Variants in ADGRB3 observed in about 807,000 individuals in gnomAD.
ADGRB3 encodes the protein adhesion G protein-coupled receptor B3.
A neutral mutation model predicts 193.4 loss-of-function variants in ADGRB3; 37 were observed. That is an observed-to-expected ratio of 0.19 (90% CI 0.15 to 0.25). The LOEUF (loss-of-function observed/expected upper bound fraction) is 0.25, where lower values mean the gene tolerates loss of function less well. ADGRB3 is among the 10% of genes least tolerant of loss of function. The pLI, the probability that ADGRB3 is intolerant of heterozygous loss-of-function variation, is 1.00. For synonymous variants in ADGRB3, 690 were observed against 644.2 expected, an observed-to-expected ratio of 1.07 and a Z score of -1.08; for missense variants, 1,637 against 1,852.9, an observed-to-expected ratio of 0.88 and a Z score of 2.14.
intron 10 of ADGRB3, among the ~76,000 whole-genome samples, chr6:68,988,886 C>A (rs1769153352): frequency 1.3e-5 from 2 of 152,236 alleles, no homozygotes; most frequent in East Asian, 1.9e-4. Flanking sequence ...TACAGAGTTT[C>A]TTGGAGAAGA....
At chr6:69,265,397 T>C (rs894396610) in intron 20 of ADGRB3, among the ~76,000 whole-genome samples, 1 of 151,922 alleles carries the variant, frequency 6.6e-6, no homozygotes, top group Non-Finnish European at 1.5e-5. Flanking sequence ...GAAAACTCTT[T>C]ATTAGTCTGA....
chr6:68,694,911 G>A (rs1165775979), intron 3 of ADGRB3, among the ~76,000 whole-genome samples: 2 of 151,970 alleles, frequency 1.3e-5, no homozygotes, highest in Admixed American at 6.6e-5. Flanking sequence ...TGGGTTTAGG[G>A]TTTTAGAAAT....
chr6:69,103,033 A>C (rs577545269), intron 17 of ADGRB3, among the ~76,000 whole-genome samples: 3 of 152,286 alleles, frequency 2.0e-5, no homozygotes, highest in African/African-American at 7.2e-5. Flanking sequence ...CAAAAGAAAA[A>C]CTATGCTTGG....
At chr6:68,822,644 A>G (rs1038894901) in intron 3 of ADGRB3, among the ~76,000 whole-genome samples, 2 of 151,980 alleles carry the variant, frequency 1.3e-5, no homozygotes, top group Non-Finnish European at 2.9e-5. Flanking sequence ...AATCTCACAT[A>G]GCAAAGGACT....
At chr6:68,744,233 A>T (rs1160066301) in intron 3 of ADGRB3, among the ~76,000 whole-genome samples, 1 of 152,180 alleles carries the variant, frequency 6.6e-6, no homozygotes, top group Non-Finnish European at 1.5e-5. Flanking sequence ...GAATAAATAT[A>T]TCAAATAAAA....
chr6:68,815,631 GT>G (rs2127377916), intron 3 of ADGRB3, among the ~76,000 whole-genome samples: 4 of 148,486 alleles, frequency 2.7e-5, no homozygotes, highest in South Asian at 2.2e-4. Context: ...GTGTGTGTGT[GT>G]GTGTGTGTGC....
Position 69,183,434 on chromosome 6 carries a change from G to A in ADGRB3, c.2481-49856G>A, listed in dbSNP as rs1219920925. 2.6e-5 allele frequency among the ~76,000 whole-genome samples: 4 copies of A among 151,800 alleles called. No homozygotes were observed. The South Asian group carries it at 6.2e-4, about 24-fold the overall frequency. On this transcript the variant is annotated intron_variant, in intron 17 of 31. Coordinates refer to ENST00000370598, the MANE Select transcript of ADGRB3 (RefSeq NM_001704.3). ...AGAAATAATTTAAAATTATTGGAGT[G>A]CTTCAGGTTTTTAGGAGAACTTCAT... is the stretch of plus-strand genomic sequence containing the variant.
At chr6:68,696,832 T>A (rs1765167170) in intron 3 of ADGRB3, among the ~76,000 whole-genome samples, 1 of 152,076 alleles carries the variant, frequency 6.6e-6, no homozygotes, top group African/African-American at 2.4e-5. Context: ...TAACTTTGCA[T>A]AAGCATTTTC....
At chr6:69,253,490 A>T (rs1766672484) in intron 20 of ADGRB3, among the ~76,000 whole-genome samples, 2 of 152,098 alleles carry the variant, frequency 1.3e-5, no homozygotes, top group South Asian at 4.1e-4. Context: ...CATTAGGATC[A>T]TTAAGTTGTT....
chr6:69,111,291 G>C (rs12524905), intron 17 of ADGRB3, among the ~76,000 whole-genome samples: 20,239 of 152,136 alleles, frequency 0.13, 1,500 homozygotes, highest in Middle Eastern at 0.31. Context: ...TCCCTACCTA[G>C]AGCAACAGAA....
At chr6:69,278,364 A>C (rs1767347616) in intron 20 of ADGRB3, among the ~76,000 whole-genome samples, 1 of 152,240 alleles carries the variant, frequency 6.6e-6, no homozygotes. Flanking sequence ...AAGATAACTT[A>C]ATTCAGTGAG....
chr6:68,739,697 GA>G (rs1765940164), intron 3 of ADGRB3, among the ~76,000 whole-genome samples: 1 of 152,144 alleles, frequency 6.6e-6, no homozygotes, highest in South Asian at 2.1e-4. Context: ...GACCAGAAAA[GA>G]GAGTTAATCT....
intron 17 of ADGRB3, among the ~76,000 whole-genome samples, chr6:69,121,142 A>G (rs1773673441): frequency 6.6e-6 from 1 of 151,992 alleles, no homozygotes; most frequent in Non-Finnish European, 1.5e-5. Flanking sequence ...TCCTAGGCAG[A>G]GGTCCCTGCG....
intron 16 of ADGRB3, among the ~76,000 whole-genome samples, chr6:69,070,110 T>C (rs995149147): frequency 4.6e-5 from 7 of 152,192 alleles, no homozygotes; most frequent in African/African-American, 1.4e-4. Flanking sequence ...CAAATAATTA[T>C]GATGAAGTCA....
intron 28 of ADGRB3, among the ~76,000 whole-genome samples, chr6:69,356,840 A>G (rs1769346371): frequency 6.6e-6 from 1 of 152,142 alleles, no homozygotes; most frequent in South Asian, 2.1e-4. Flanking sequence ...AATTCTCACC[A>G]GAGTAGATGG....
At chr6:68,788,175 A>C (rs1767017260) in intron 3 of ADGRB3, among the ~76,000 whole-genome samples, 1 of 151,764 alleles carries the variant, frequency 6.6e-6, no homozygotes, top group Non-Finnish European at 1.5e-5. Context: ...TCTGATCTTA[A>C]TTATTTCTTG....
chr6:68,900,024 A>C (rs1020459068), intron 3 of ADGRB3, among the ~76,000 whole-genome samples: 4 of 152,100 alleles, frequency 2.6e-5, no homozygotes, highest in African/African-American at 9.7e-5. Context: ...GTAATCAATA[A>C]ATTTTTTTAA....
rs183120682 is a variant in ADGRB3 at position 69,155,823 on chromosome 6, T to G, written c.2481-77467T>G. Among the ~76,000 whole-genome samples the G allele has an allele frequency of 4.6e-3, 693 of 152,294 alleles. 3 individuals carry two copies. Among genetic ancestry groups the G allele is most frequent in the Non-Finnish European group, 7.0e-3 (479 of 68,028 alleles). ...AAATGGAGAAATATTTTTTCTTCAT[T>G]TAGAAGCTTCAAAGGAGAGAAATCA... On this transcript the variant is annotated intron_variant, in intron 17 of 31. Transcript: ENST00000370598.
intron 6 of ADGRB3, among the ~76,000 whole-genome samples, chr6:68,947,711 C>T (rs1767810473): frequency 6.6e-6 from 1 of 152,098 alleles, no homozygotes; most frequent in Non-Finnish European, 1.5e-5. Context: ...TAGTAATACC[C>T]ACTTCATAGG....
Sources: gnomAD v4.1 joint callset for allele counts (sites outside exome capture counted in the v4.1 genomes callset) on GRCh38, gnomAD v4.1.1 for gene constraint, MANE v1.5 for transcripts, NCBI Gene and HGNC (gene_info 2026-07-23, HGNC 2026-07-21) for gene names.